Variants in ANK1 observed in about 807,000 individuals in gnomAD.
ANK1 encodes the protein ankyrin 1, also known as ankyrin-1.
Under a neutral mutation model 210.4 loss-of-function variants are expected in ANK1, and 51 were observed. The observed-to-expected ratio is 0.24, with a 90% CI of 0.19 to 0.31. The LOEUF (loss-of-function observed/expected upper bound fraction) is 0.31. Among genes scored for constraint, ANK1 ranks in the 10% least tolerant of loss-of-function variants. The pLI, the probability that ANK1 is intolerant of heterozygous loss-of-function variation, is 1.00. For missense variants in ANK1, 2,051 were observed against 2,504.4 expected, an observed-to-expected ratio of 0.82 and a Z score of 3.86; for synonymous variants, 967 against 1,025.9, an observed-to-expected ratio of 0.94 and a Z score of 1.10.
chr8:41,661,186 T>G, intron 42 of ANK1: 2 of 547,254 alleles, frequency 3.7e-6, no homozygotes, highest in Non-Finnish European at 3.2e-6. Flanking sequence ...CAAAAGGCAT[T>G]CTTACAAAAC....
intron 26 of ANK1, among the ~76,000 whole-genome samples, chr8:41,695,595 G>T (rs117538695): frequency 3.3e-5 from 5 of 152,218 alleles, no homozygotes; most frequent in African/African-American, 9.6e-5. Context: ...CTGCTCCTAC[G>T]ACCTAAAGAT....
intron 13 of ANK1, among the ~76,000 whole-genome samples, chr8:41,716,469 A>G (rs138891535): frequency 8.3e-4 from 126 of 152,174 alleles, no homozygotes; most frequent in African/African-American, 3.0e-3. Context: ...CCTGACTCTA[A>G]GGAGAACCCA....
chr8:41,706,193 C>A lies in ANK1; in HGVS notation c.2047G>T (p.Val683Leu), dbSNP rs751417373. 7 of 1,614,150 alleles carry A rather than the reference C, an allele frequency of 4.3e-6. No homozygotes were observed. The highest frequency in any genetic ancestry group is 5.9e-6 in the Non-Finnish European group (7 of 1,179,990). Residue 683 changes from valine (V) to leucine (L), a missense_variant, in exon 18 of 43, where the codon GTG becomes TTG. Coordinates refer to ENST00000289734, the MANE Select transcript of ANK1 (RefSeq NM_000037.4). ...CCGTGTTTGATCAGCACATCTGCCACTGGAACGTGGCCTTCTTGTGCTACC... is the reference window on the plus strand; with the variant it reads ...CCGTGTTTGATCAGCACATCTGCCAATGGAACGTGGCCTTCTTGTGCTACC... The part of the protein sequence containing the change: ...HLVAQEGHVP[V>L]ADVLIKHGVM...
At chr8:41,695,063 CAG>C in intron 27 of ANK1, 112 bp downstream of exon 27, 1 of 1,439,500 alleles carries the variant, frequency 6.9e-7, no homozygotes, top group Middle Eastern at 1.8e-4. Context: ...AGGCCATTCT[CAG>C]CCTCTTGGGG....
At chr8:41,787,510 T>A (rs191370788) in intron 1 of ANK1, among the ~76,000 whole-genome samples, 2 of 152,134 alleles carry the variant, frequency 1.3e-5, no homozygotes, top group Admixed American at 1.3e-4. Flanking sequence ...AAACGTGTGG[T>A]ATCATATGAC....
In ANK1 at chr8:41,715,837, G is replaced by A. The variant is rs1046751152; in HGVS notation, c.1417C>T (p.Pro473Ser). Reference sequence around the variant, plus strand: ...CCGATGCGAGCTGCACAGTGAAGTGGGGTCTGGTCATCCTGGACCCCGAAG... The same window carrying A: ...CCGATGCGAGCTGCACAGTGAAGTGAGGTCTGGTCATCCTGGACCCCGAAG... ...VNAKAKDDQT[P>S]LHCAARIGHT... The change falls in exon 14 of 43, where the codon CCA (proline) becomes TCA (serine). Residue 473 changes from proline to serine, a missense_variant. Coordinates refer to ENST00000289734, the MANE Select transcript of ANK1 (RefSeq NM_000037.4). 2 of 1,614,218 alleles carry A rather than the reference G, an allele frequency of 1.2e-6. No individual in the cohort carries two copies. The highest frequency in any genetic ancestry group is 8.5e-7 in the Non-Finnish European group (1 of 1,180,050).
intron 1 of ANK1, among the ~76,000 whole-genome samples, chr8:41,876,418 C>T (rs950226105): frequency 2.6e-5 from 4 of 152,236 alleles, no homozygotes; most frequent in Non-Finnish European, 5.9e-5. Context: ...CTGATCGTGC[C>T]CCCTGGGGGC....
intron 2 of ANK1, among the ~76,000 whole-genome samples, chr8:41,756,962 G>A (rs1027516132): frequency 2.6e-5 from 4 of 152,172 alleles, no homozygotes; most frequent in South Asian, 2.1e-4. Flanking sequence ...GCAGGATTCC[G>A]TTTCTGTGAG....
intron 1 of ANK1, among the ~76,000 whole-genome samples, chr8:41,832,947 A>G (rs1294254317): frequency 3.3e-5 from 5 of 152,184 alleles, no homozygotes; most frequent in African/African-American, 1.2e-4. Flanking sequence ...CCTGGGAATT[A>G]GAGAACTGGG....
intron 38 of ANK1, 98 bp from the exon 39 acceptor site, chr8:41,668,662 A>G: frequency 7.5e-7 from 1 of 1,334,774 alleles, no homozygotes; most frequent in Non-Finnish European, 1.0e-6. Context: ...CTCCCCACCC[A>G]GAGCTCTGGC....
At chr8:41,729,324 A>G (rs1206224412) in intron 3 of ANK1, among the ~76,000 whole-genome samples, 3 of 152,248 alleles carry the variant, frequency 2.0e-5, no homozygotes, top group Non-Finnish European at 4.4e-5. Context: ...TAAACTTTGT[A>G]AAAGATAAGA....
At chr8:41,722,421 C>T (rs1001050922) in intron 9 of ANK1, among the ~76,000 whole-genome samples, 1 of 152,224 alleles carries the variant, frequency 6.6e-6, no homozygotes, top group Non-Finnish European at 1.5e-5. Flanking sequence ...TCCTGGGTAG[C>T]TGTGAGTGGG....
At chr8:41,697,430 G>A (rs1191089223) in intron 24 of ANK1, among the ~76,000 whole-genome samples, 6 of 151,998 alleles carry the variant, frequency 3.9e-5, no homozygotes, top group Non-Finnish European at 1.5e-5. Flanking sequence ...CTTGTCCATC[G>A]CCCTTGTTGA....
chr8:41,763,881 C>CTTTTTTTTTTTTTTTTTGTTTTT (rs1554605131), intron 1 of ANK1, among the ~76,000 whole-genome samples: 1 of 72,142 alleles, frequency 1.4e-5, no homozygotes, highest in Non-Finnish European at 2.7e-5. Context: ...TTCTTTTTTT[C>CTTTTTTTTTTTTTTTTTGTTTTT]TTTTTTTCTT....
intron 41 of ANK1, 55 bp from the exon 42 acceptor site, chr8:41,661,619 A>G: frequency 6.2e-7 from 1 of 1,611,258 alleles, no homozygotes. Flanking sequence ...CGGGCAGAAC[A>G]CAGGCAGAAG....
At chr8:41,737,108 G>A (rs1362008259) in intron 2 of ANK1, among the ~76,000 whole-genome samples, 2 of 152,150 alleles carry the variant, frequency 1.3e-5, no homozygotes, top group Non-Finnish European at 2.9e-5. Context: ...AGACCAGCCG[G>A]GACAGCATGG....
chr8:41,853,973 T>C (rs1811743599), intron 1 of ANK1, among the ~76,000 whole-genome samples: 2 of 152,166 alleles, frequency 1.3e-5, no homozygotes, highest in African/African-American at 4.8e-5. Context: ...TCCGCTCAAT[T>C]TGGGCTTAAT....
chr8:41,661,475 C>T lies in ANK1; in HGVS notation c.5634G>A (p.Gly1878=), dbSNP rs1808154421. 2 of 1,613,966 alleles carry T rather than the reference C, an allele frequency of 1.2e-6. No individual in the cohort carries two copies. Among genetic ancestry groups the T allele is most frequent in the East Asian group, 4.5e-5 (2 of 44,876 alleles). The change falls in exon 42 of 43, where the codon GGG becomes GGA. Residue 1878 remains glycine, a synonymous_variant. Coordinates refer to ENST00000289734, the MANE Select transcript of ANK1 (RefSeq NM_000037.4). ...GGAGAGCGGCTCGGGGTCACTGTTT[C>T]CCCCTTTTCAGGCTGGCCCGCTTCA... ...QIVKRASLKR[G]KQ
rs191163826 is a variant in ANK1 at position 41,674,131 on chromosome 8, G to A, written c.4538-1219C>T. Reference sequence around the variant, plus strand: ...TTTCTTGCCCCCTCAGCCTCCGCTCGGGGCCTCAGCCTCCGCTCGGGGCCT... The same window carrying A: ...TTTCTTGCCCCCTCAGCCTCCGCTCAGGGCCTCAGCCTCCGCTCGGGGCCT... On this transcript the variant is annotated intron_variant, in intron 37 of 42. Coordinates refer to ENST00000289734, the MANE Select transcript of ANK1 (RefSeq NM_000037.4). Among the ~76,000 whole-genome samples the A allele has an allele frequency of 7.9e-5, 12 of 151,952 alleles. No homozygotes were observed. The East Asian group carries it at 1.2e-3, about 15-fold the overall frequency.
Sources: allele counts gnomAD v4.1 joint callset (sites outside exome capture counted in the v4.1 genomes callset), GRCh38; gene constraint gnomAD v4.1.1; transcripts MANE v1.5; gene names NCBI Gene and HGNC (gene_info 2026-07-23, HGNC 2026-07-21).